The following RABGAP1L variants were observed in gnomAD, a reference collection of about 807,000 sequenced individuals.
RABGAP1L encodes the protein rab GTPase-activating protein 1-like.
In RABGAP1L, 63 loss-of-function variants were observed where a neutral mutation model predicts 137.7. The ratio of observed to expected loss-of-function variants is 0.46; its 90% CI spans 0.37 to 0.56. The LOEUF (loss-of-function observed/expected upper bound fraction) is 0.56, where lower values mean the gene tolerates loss of function less well. RABGAP1L is among the 20% of genes least tolerant of loss of function. The pLI, the probability that RABGAP1L is intolerant of heterozygous loss-of-function variation, is 0.00. For synonymous variants in RABGAP1L, 431 were observed against 433.7 expected, an observed-to-expected ratio of 0.99 and a Z score of 0.08; for missense variants, 1,095 against 1,244.0, an observed-to-expected ratio of 0.88 and a Z score of 1.80.
At chr1:174,532,308 G>C (rs545346033) in intron 13 of RABGAP1L, among the ~76,000 whole-genome samples, 1 of 151,480 alleles carries the variant, frequency 6.6e-6, no homozygotes, top group African/African-American at 2.4e-5. Context: ...TCCCGGGTTC[G>C]AGCAAGTCTC....
At chr1:174,402,977 C>A (rs1170079279) in intron 13 of RABGAP1L, among the ~76,000 whole-genome samples, 1 of 151,956 alleles carries the variant, frequency 6.6e-6, no homozygotes, top group African/African-American at 2.4e-5. Flanking sequence ...CCTATCATAT[C>A]TGCTGGTTTA....
At chr1:174,807,573 A>T (rs1159037268) in intron 18 of RABGAP1L, among the ~76,000 whole-genome samples, 1 of 152,204 alleles carries the variant, frequency 6.6e-6, no homozygotes, top group Non-Finnish European at 1.5e-5. Flanking sequence ...GGTAATACTT[A>T]ATGATTATGG....
intron 1 of RABGAP1L, among the ~76,000 whole-genome samples, chr1:174,215,795 A>G (rs553220142): frequency 6.6e-6 from 1 of 152,322 alleles, no homozygotes; most frequent in South Asian, 2.1e-4. Flanking sequence ...TTGAGGTTTC[A>G]CATGATTCAC....
At chr1:174,636,521 C>G (rs374308478) in intron 13 of RABGAP1L, among the ~76,000 whole-genome samples, 6 of 109,732 alleles carry the variant, frequency 5.5e-5, no homozygotes, top group African/African-American at 3.1e-4. Context: ...GTGTGAGACT[C>G]TACTTCAAAA....
At chr1:174,435,225 C>A (rs1322367577) in intron 13 of RABGAP1L, among the ~76,000 whole-genome samples, 1 of 152,080 alleles carries the variant, frequency 6.6e-6, no homozygotes, top group East Asian at 1.9e-4. Flanking sequence ...GCTATGTTGC[C>A]CAGGCTTGTC....
chr1:174,616,603 G>A (rs1055678544), intron 13 of RABGAP1L, among the ~76,000 whole-genome samples: 5 of 152,172 alleles, frequency 3.3e-5, no homozygotes, highest in Non-Finnish European at 5.9e-5. Context: ...CCTAGAGGAC[G>A]AATTGATTAA....
intron 13 of RABGAP1L, among the ~76,000 whole-genome samples, chr1:174,493,617 C>T (rs1660466621): frequency 6.6e-6 from 1 of 151,168 alleles, no homozygotes; most frequent in African/African-American, 2.4e-5. Context: ...TCCAGGAGTT[C>T]AAGACCAGCC....
chr1:174,307,413 C>A (rs979093919), intron 11 of RABGAP1L, among the ~76,000 whole-genome samples: 2 of 152,118 alleles, frequency 1.3e-5, no homozygotes, highest in Admixed American at 6.6e-5. Context: ...TAAACATTTT[C>A]GTCATCCAAG....
chr1:174,698,951 C>T (rs777461476), intron 15 of RABGAP1L, among the ~76,000 whole-genome samples: 3 of 151,730 alleles, frequency 2.0e-5, no homozygotes, highest in Non-Finnish European at 2.9e-5. Flanking sequence ...TAGGGAGGAG[C>T]GAGACTTTTA....
At chr1:174,749,224 G>A (rs1684140464) in intron 17 of RABGAP1L, among the ~76,000 whole-genome samples, 2 of 150,848 alleles carry the variant, frequency 1.3e-5, no homozygotes, top group African/African-American at 2.4e-5. Context: ...TACATGTGAT[G>A]TGAAGCATAC....
chr1:174,360,981 G>A lies in RABGAP1L; in HGVS notation c.1466-9998G>A, dbSNP rs148127385. Among the ~76,000 whole-genome samples the A allele has an allele frequency of 9.0e-3, 1,375 of 152,042 alleles. 24 individuals are homozygous for A. Among genetic ancestry groups the A allele is most frequent in the African/African-American group, 0.032 (1,324 of 41,482 alleles). On this transcript the variant is annotated intron_variant, in intron 11 of 25. Coordinates refer to ENST00000681986, the MANE Select transcript of RABGAP1L (RefSeq NM_001366446.1). ...GCCATCCTGGCTAACACGGTGAAAC[G>A]CCGTCTCTACTAAAAAATACAAAAA...
rs575245085 is a variant in RABGAP1L, at chr1:174,212,593, A to G, written c.-33-6532A>G. Among the ~76,000 whole-genome samples the G allele has an allele frequency of 1.5e-4, 23 of 152,222 alleles. 1 individual carries two copies. Among genetic ancestry groups the G allele is most frequent in the Admixed American group, 1.4e-3 (21 of 15,282 alleles). ...GTAAGTGCCTACATCAAAAAAGAAGAAAAACTTCAAGTAAGCGACCTAACA... is the reference window on the plus strand; with the variant it reads ...GTAAGTGCCTACATCAAAAAAGAAGGAAAACTTCAAGTAAGCGACCTAACA... On this transcript the variant is annotated intron_variant, in intron 1 of 25. Coordinates refer to ENST00000681986, the MANE Select transcript of RABGAP1L (RefSeq NM_001366446.1).
intron 13 of RABGAP1L, chr1:174,547,872 T>C (rs1358636902): frequency 1.3e-6 from 2 of 1,543,270 alleles, no homozygotes; most frequent in Non-Finnish European, 1.8e-6. Context: ...CGAGACAGAC[T>C]ATTCACCTAG....
At chr1:174,240,335 C>T (rs1671695519) in intron 4 of RABGAP1L, among the ~76,000 whole-genome samples, 1 of 152,212 alleles carries the variant, frequency 6.6e-6, no homozygotes, top group Non-Finnish European at 1.5e-5. Flanking sequence ...AAACATCTGC[C>T]TCCTGGGTTC....
chr1:174,507,110 T>C (rs1259147158), intron 13 of RABGAP1L, among the ~76,000 whole-genome samples: 1 of 152,152 alleles, frequency 6.6e-6, no homozygotes, highest in Non-Finnish European at 1.5e-5. Context: ...TAAGGAACAA[T>C]GTTTGAAAAT....
chr1:174,987,351 G>C (rs1179663338), intron 24 of RABGAP1L, among the ~76,000 whole-genome samples: 10 of 152,096 alleles, frequency 6.6e-5, no homozygotes, highest in African/African-American at 2.4e-4. Context: ...ATTTTTACTA[G>C]AGACGGGGTT....
chr1:174,253,988 C>G (rs1382998839), intron 7 of RABGAP1L, among the ~76,000 whole-genome samples: 2 of 152,092 alleles, frequency 1.3e-5, no homozygotes, highest in African/African-American at 4.8e-5. Context: ...CCTCCAGTCT[C>G]TAGACTGGGA....
At chr1:174,959,813 A>G (rs1668925242) in intron 20 of RABGAP1L, among the ~76,000 whole-genome samples, 1 of 152,210 alleles carries the variant, frequency 6.6e-6, no homozygotes, top group South Asian at 2.1e-4. Context: ...TCAACAACAT[A>G]AGTTTCTAAC....
At chr1:174,629,816 G>A (rs894911965) in intron 13 of RABGAP1L, among the ~76,000 whole-genome samples, 19 of 152,262 alleles carry the variant, frequency 1.2e-4, no homozygotes, top group African/African-American at 4.6e-4. Flanking sequence ...GAGCCATCGC[G>A]CCTGGCCAGG....
Sources: gnomAD v4.1 joint callset for allele counts (sites outside exome capture counted in the v4.1 genomes callset) on GRCh38, gnomAD v4.1.1 for gene constraint, MANE v1.5 for transcripts, NCBI Gene and HGNC (gene_info 2026-07-23, HGNC 2026-07-21) for gene names.